DPYSL5: variants seen among roughly 807,000 people sequenced by gnomAD.
DPYSL5 encodes the protein dihydropyrimidinase-related protein 5.
DPYSL5 carries 9 observed loss-of-function variants against 58.4 expected under a neutral mutation model. That is an observed-to-expected ratio of 0.15 (90% confidence interval 0.09 to 0.27). The LOEUF is 0.27. Among genes scored for constraint, DPYSL5 ranks in the 10% least tolerant of loss-of-function variants. The probability of loss-of-function intolerance (pLI) is 1.00; values close to 1 mark genes in which losing one functional copy is unlikely to be tolerated. For synonymous variants in DPYSL5, 293 were observed against 301.9 expected (o/e 0.97, Z 0.31); for missense variants, 499 against 770.6 (o/e 0.65, Z 4.17).
chr2:26,889,130 C>T (rs1261272280), intron 1 of DPYSL5, among the ~76,000 whole-genome samples: 1 of 152,196 alleles, frequency 6.6e-6, no homozygotes. Context: ...GGGACACAAA[C>T]ATTCCATTCA....
At chr2:26,918,427 T>C (rs1247794319) in intron 2 of DPYSL5, among the ~76,000 whole-genome samples, 1 of 151,932 alleles carries the variant, frequency 6.6e-6, no homozygotes, top group Non-Finnish European at 1.5e-5. Context: ...ACGCTGAAGG[T>C]GAAGGAGGTT....
chr2:26,854,366 C>A (rs1176773691), intron 1 of DPYSL5, among the ~76,000 whole-genome samples: 1 of 152,012 alleles, frequency 6.6e-6, no homozygotes, highest in African/African-American at 2.4e-5. Context: ...GGCTGAAGCA[C>A]AAGAATCACT....
chr2:26,914,721 C>G (rs1415492288), intron 2 of DPYSL5, among the ~76,000 whole-genome samples: 1 of 152,136 alleles, frequency 6.6e-6, no homozygotes, highest in Non-Finnish European at 1.5e-5. Context: ...AAGCAGGAGC[C>G]AGGGCAGGCT....
chr2:26,848,318 C>G (rs1271074732), intron 1 of DPYSL5, 64 bp downstream of exon 1: 1 of 152,216 alleles, frequency 6.6e-6, no homozygotes, highest in Admixed American at 6.5e-5. Flanking sequence ...TCCTCTCCCC[C>G]TTCTGTTTCT....
intron 1 of DPYSL5, among the ~76,000 whole-genome samples, chr2:26,873,371 C>A (rs1240603826): frequency 3.3e-5 from 5 of 152,102 alleles, no homozygotes; most frequent in Non-Finnish European, 5.9e-5. Context: ...CTCCCCCTCA[C>A]CCCCCTGGCA....
intron 5 of DPYSL5, among the ~76,000 whole-genome samples, chr2:26,929,761 G>A (rs1011614047): frequency 8.5e-5 from 13 of 152,278 alleles, no homozygotes; most frequent in East Asian, 3.9e-4. Context: ...GCTGTTTTCC[G>A]CCTGCCCTCT....
intron 1 of DPYSL5, among the ~76,000 whole-genome samples, chr2:26,872,685 CA>C (rs57455387): frequency 0.36 from 51,359 of 142,654 alleles, 9,198 homozygotes; most frequent in Admixed American, 0.47. Flanking sequence ...GACTCTGTCT[CA>C]AAAAAAAAAA....
intron 2 of DPYSL5, among the ~76,000 whole-genome samples, chr2:26,917,016 G>C (rs1402574760): frequency 6.6e-6 from 1 of 152,212 alleles, no homozygotes; most frequent in African/African-American, 2.4e-5. Context: ...CACTGGGCTA[G>C]GTGCCTTATA....
intron 5 of DPYSL5, among the ~76,000 whole-genome samples, chr2:26,929,493 A>G (rs1664918863): frequency 6.6e-6 from 1 of 152,132 alleles, no homozygotes; most frequent in Non-Finnish European, 1.5e-5. Flanking sequence ...CAGCCTCCCA[A>G]AGTGCTGGGA....
At chr2:26,928,704 T>TATATATACACACACAC in intron 5 of DPYSL5, among the ~76,000 whole-genome samples, 17 of 62,998 alleles carry the variant, frequency 2.7e-4, no homozygotes, top group African/African-American at 9.4e-4. Flanking sequence ...TATATATATA[T>TATATATACACACACAC]ACACACACAC....
intron 11 of DPYSL5, among the ~76,000 whole-genome samples, chr2:26,943,112 T>C (rs1665368753): frequency 6.6e-6 from 1 of 151,660 alleles, no homozygotes; most frequent in South Asian, 2.1e-4. Flanking sequence ...TTGGCTCGGC[T>C]CCCTCCCACT....
intron 1 of DPYSL5, among the ~76,000 whole-genome samples, chr2:26,866,889 G>A (rs1052221358): frequency 1.3e-5 from 2 of 151,718 alleles, no homozygotes; most frequent in South Asian, 2.1e-4. Context: ...GTGCCACCAC[G>A]CCCAGCTAAT....
At chr2:26,876,814 C>G (rs1019834685) in intron 1 of DPYSL5, among the ~76,000 whole-genome samples, 17 of 151,970 alleles carry the variant, frequency 1.1e-4, no homozygotes, top group African/African-American at 3.9e-4. Flanking sequence ...CCGCGCCCGG[C>G]CATGATGTCC....
intron 1 of DPYSL5, among the ~76,000 whole-genome samples, chr2:26,860,309 A>G (rs1346308851): frequency 2.6e-5 from 4 of 152,242 alleles, no homozygotes; most frequent in Admixed American, 2.6e-4. Context: ...TCTCCCTCAC[A>G]TAAGGAGAAG....
intron 2 of DPYSL5, among the ~76,000 whole-genome samples, chr2:26,914,294 G>A (rs933832402): frequency 1.3e-5 from 2 of 152,254 alleles, no homozygotes; most frequent in African/African-American, 4.8e-5. Flanking sequence ...GGGCTGGTCT[G>A]TACCCTTCCG....
intron 1 of DPYSL5, among the ~76,000 whole-genome samples, chr2:26,856,851 C>T (rs1413791966): frequency 6.9e-6 from 1 of 145,182 alleles, no homozygotes; most frequent in East Asian, 1.9e-4. Context: ...TAAGCTATAT[C>T]TCTGACTCCA....
At chr2:26,945,979 G>C (rs1311618334) in intron 12 of DPYSL5, among the ~76,000 whole-genome samples, 2 of 152,168 alleles carry the variant, frequency 1.3e-5, no homozygotes, top group African/African-American at 4.8e-5. Context: ...ATGGGGAGGG[G>C]TCCTCTCTCA....
intron 9 of DPYSL5, among the ~76,000 whole-genome samples, chr2:26,941,010 C>T (rs1201842464): frequency 6.6e-6 from 1 of 150,686 alleles, no homozygotes; most frequent in African/African-American, 2.4e-5. Flanking sequence ...TGTCTCGGCT[C>T]ACTGCAACCT....
intron 1 of DPYSL5, among the ~76,000 whole-genome samples, chr2:26,851,946 CA>C (rs61279420): frequency 0.027 from 3,949 of 144,554 alleles, 162 homozygotes; most frequent in African/African-American, 0.093. Flanking sequence ...GACTCTATCT[CA>C]AAAAAAAAAA....
Sources: gnomAD v4.1 joint callset for allele counts (sites outside exome capture counted in the v4.1 genomes callset) on GRCh38, gnomAD v4.1.1 for gene constraint, MANE v1.5 for transcripts, NCBI Gene and HGNC (gene_info 2026-07-23, HGNC 2026-07-21) for gene names.